The following SND1 variants were observed in gnomAD, a reference collection of about 807,000 sequenced individuals.
SND1 encodes staphylococcal nuclease domain-containing protein 1.
In SND1, 38 loss-of-function variants were observed where a neutral mutation model predicts 121.7. The observed-to-expected ratio is 0.31, with a 90% confidence interval of 0.24 to 0.41. The LOEUF (loss-of-function observed/expected upper bound fraction) is 0.41. SND1 is among the 10% of genes least tolerant of loss of function. SND1 has a pLI of 1.00. For synonymous variants in SND1, 401 were observed against 447.4 expected, an observed-to-expected ratio of 0.90 and a Z score of 1.31; for missense variants, 868 against 1,184.6, an observed-to-expected ratio of 0.73 and a Z score of 3.92.
chr7:127,973,395 G>A (rs554282966), intron 15 of SND1, among the ~76,000 whole-genome samples: 5 of 152,286 alleles, frequency 3.3e-5, no homozygotes, highest in Non-Finnish European at 7.4e-5. Context: ...AAGCAGCTAA[G>A]AACAGACCAT....
chr7:127,743,404 A>G (rs994113837), intron 10 of SND1, among the ~76,000 whole-genome samples: 9 of 152,210 alleles, frequency 5.9e-5, no homozygotes, highest in African/African-American at 2.2e-4. Flanking sequence ...GCTGAATGTC[A>G]GCAAACATTT....
chr7:127,922,851 T>C (rs1182821884), intron 14 of SND1, among the ~76,000 whole-genome samples: 2 of 152,210 alleles, frequency 1.3e-5, no homozygotes, highest in Admixed American at 1.3e-4. Flanking sequence ...CCAAATGTCC[T>C]CTTGACTCAT....
intron 16 of SND1, among the ~76,000 whole-genome samples, chr7:128,013,390 C>T (rs1563088833): frequency 6.6e-6 from 1 of 152,224 alleles, no homozygotes; most frequent in East Asian, 1.9e-4. Flanking sequence ...TATACTGGTT[C>T]TAAATAAGCA....
rs1364759973 is a variant in SND1, at chr7:127,652,411, G to C, written c.38G>C (p.Gly13Ala). The part of the protein sequence containing the change: ...SSAQSGGSSG[G>A]PAVPTVQRGI... Reference sequence around the variant, plus strand: ...GCGCAGAGCGGCGGCTCCTCCGGGGGACCCGCGGTCCCCACCGTGCAGCGG... The same window carrying C: ...GCGCAGAGCGGCGGCTCCTCCGGGGCACCCGCGGTCCCCACCGTGCAGCGG... The change falls in exon 1 of 24, where the codon GGA becomes GCA. Residue 13 changes from glycine to alanine, a missense_variant. Gly to Ala is a moderately conservative substitution (Grantham distance 60). Coordinates refer to ENST00000354725, the MANE Select transcript of SND1 (RefSeq NM_014390.4). The C allele has an allele frequency of 1.3e-6, 2 of 1,570,654 alleles. No homozygotes were observed. The highest frequency in any genetic ancestry group is 1.3e-5 in the African/African-American group (1 of 74,608).
chr7:127,821,304 G>T (rs1308323937), intron 11 of SND1, among the ~76,000 whole-genome samples: 1 of 152,138 alleles, frequency 6.6e-6, no homozygotes, highest in Non-Finnish European at 1.5e-5. Context: ...AGTAGCATGC[G>T]GGGTGCTTGG....
At chr7:127,720,911 A>G (rs922792424) in intron 9 of SND1, among the ~76,000 whole-genome samples, 20 of 152,140 alleles carry the variant, frequency 1.3e-4, no homozygotes, top group African/African-American at 4.6e-4. Flanking sequence ...CTCTTTTTCT[A>G]GATTCACATT....
In SND1 at chr7:128,029,708, T is replaced by C; in HGVS notation, c.1779+38652T>C. On this transcript the variant is annotated intron_variant, in intron 16 of 23. Transcript: ENST00000354725. The surrounding 1 kb of genome is among the most constrained non-coding windows in gnomAD (Gnocchi z 4.2). Reference sequence around the variant, plus strand: ...GTATATACTCTCGAAGCCACCAGGCTAGCCACAGAATGTCACAATCACAGT... The same window carrying C: ...GTATATACTCTCGAAGCCACCAGGCCAGCCACAGAATGTCACAATCACAGT... 6.2e-7 allele frequency: 1 copy of C among 1,614,098 alleles called. No homozygotes were observed. The highest frequency in any genetic ancestry group is 8.5e-7 in the Non-Finnish European group (1 of 1,180,028).
intron 16 of SND1, among the ~76,000 whole-genome samples, chr7:128,024,369 A>C (rs922401920): frequency 6.6e-6 from 1 of 152,148 alleles, no homozygotes; most frequent in Non-Finnish European, 1.5e-5. Flanking sequence ...AAAATCAGAC[A>C]TATGTTTGGA....
chr7:128,030,441 G>A, intron 16 of SND1: 1 of 1,613,804 alleles, frequency 6.2e-7, no homozygotes, highest in Non-Finnish European at 8.5e-7. Context: ...CGGGACCTCG[G>A]AGAGGCCCCG....
chr7:128,025,481 T>C (rs1480265293), intron 16 of SND1, among the ~76,000 whole-genome samples: 1 of 152,226 alleles, frequency 6.6e-6, no homozygotes, highest in Non-Finnish European at 1.5e-5. Flanking sequence ...TAACTCCGTA[T>C]CATCAGCAAG....
At chr7:128,019,724 T>C (rs1000331316) in intron 16 of SND1, among the ~76,000 whole-genome samples, 3 of 152,220 alleles carry the variant, frequency 2.0e-5, no homozygotes, top group Admixed American at 2.0e-4. Context: ...CTTGAAACCA[T>C]CATGAAGAAG....
At chr7:127,944,358 C>T (rs1444783159) in intron 15 of SND1, among the ~76,000 whole-genome samples, 1 of 152,144 alleles carries the variant, frequency 6.6e-6, no homozygotes, top group African/African-American at 2.4e-5. Flanking sequence ...ATTGCTGTTC[C>T]CAGATATTGG....
At chr7:127,790,420 A>G (rs923371008) in intron 10 of SND1, among the ~76,000 whole-genome samples, 3 of 152,166 alleles carry the variant, frequency 2.0e-5, no homozygotes, top group South Asian at 2.1e-4. Context: ...GCCGTTAAAG[A>G]GGAATCATAA....
intron 16 of SND1, among the ~76,000 whole-genome samples, chr7:127,993,354 C>T (rs1030614076): frequency 1.3e-5 from 2 of 152,202 alleles, no homozygotes; most frequent in Non-Finnish European, 2.9e-5. Context: ...TCCTACTCCC[C>T]CAACCCCACA....
At chr7:128,059,287 A>C (rs1020875538) in intron 16 of SND1, among the ~76,000 whole-genome samples, 5 of 152,116 alleles carry the variant, frequency 3.3e-5, no homozygotes, top group African/African-American at 4.8e-5. Flanking sequence ...CTCAGCAGTC[A>C]TGTGTTTTAC....
intron 7 of SND1, 96 bp from the exon 8 acceptor site, chr7:127,704,731 CTGCAGACTAGTT>C: frequency 1.1e-6 from 1 of 903,414 alleles, no homozygotes; most frequent in East Asian, 2.7e-5. Context: ...AACAAACAAA[CTGCAGACTAGTT>C]TGTGACTGTG....
intron 16 of SND1, chr7:128,028,523 T>G: frequency 1.3e-6 from 1 of 743,422 alleles, no homozygotes; most frequent in Non-Finnish European, 2.1e-6. Context: ...GTTTTGACTT[T>G]TTGTCTTTAA....
chr7:127,726,681 A>G (rs1034443725), intron 10 of SND1, among the ~76,000 whole-genome samples: 1 of 152,184 alleles, frequency 6.6e-6, no homozygotes, highest in Non-Finnish European at 1.5e-5. Flanking sequence ...TGGAGTGTTA[A>G]TGACAAAGGA....
chr7:127,681,528 G>GT (rs1047315013), intron 1 of SND1, among the ~76,000 whole-genome samples: 3 of 152,094 alleles, frequency 2.0e-5, no homozygotes, highest in Non-Finnish European at 4.4e-5. Flanking sequence ...AGTTGCTTGT[G>GT]TTTTTGGTGT....
Sources: gnomAD v4.1 joint callset for allele counts (sites outside exome capture counted in the v4.1 genomes callset) on GRCh38, gnomAD v4.1.1 for gene constraint, Gnocchi (gnomAD v3.1) non-coding constraint, MANE v1.5 for transcripts, NCBI Gene and HGNC (gene_info 2026-07-23, HGNC 2026-07-21) for gene names.